The following DNAH17 variants were observed in gnomAD, a reference collection of about 807,000 sequenced individuals.
The protein encoded by DNAH17 is axonemal beta dynein heavy chain 17.
A neutral mutation model predicts 485.6 loss-of-function variants in DNAH17; 376 were observed. The ratio of observed to expected loss-of-function variants is 0.77; its 90% confidence interval spans 0.71 to 0.84. The LOEUF (loss-of-function observed/expected upper bound fraction) is 0.84, where lower values mean the gene tolerates loss of function less well. Among genes scored for constraint, DNAH17 ranks in the 40% least tolerant of loss-of-function variants. The probability of loss-of-function intolerance (pLI) is 0.00; values close to 1 mark genes in which losing one functional copy is unlikely to be tolerated. For synonymous variants in DNAH17, 3,031 were observed against 2,405.9 expected (o/e 1.26, Z -7.60); for missense variants, 6,370 against 5,839.3 (o/e 1.09, Z -2.96).
At chr17:78,576,924 G>T (rs536342476) in intron 1 of DNAH17, among the ~76,000 whole-genome samples, 1 of 152,180 alleles carries the variant, frequency 6.6e-6, no homozygotes, top group African/African-American at 2.4e-5. Flanking sequence ...TAACAATAGG[G>T]TTGTCCCAGG....
intron 25 of DNAH17, chr17:78,522,378 G>A (rs778167080): frequency 1.4e-4 from 40 of 285,246 alleles, no homozygotes; most frequent in Non-Finnish European, 1.6e-4. Flanking sequence ...TAGAGGAAGA[G>A]GAAGAGGGAC....
chr17:78,459,798 G>A lies in DNAH17; in HGVS notation c.9639C>T (p.Cys3213=), dbSNP rs1335522845. 6.2e-7 allele frequency: 1 copy of A among 1,613,926 alleles called. No individual in the cohort carries two copies. Among genetic ancestry groups the A allele is most frequent in the African/African-American group, 1.3e-5 (1 of 74,946 alleles). Residue 3213 remains cysteine, a synonymous_variant, in exon 60 of 81, where the codon TGC becomes TGT. Transcript: ENST00000389840. The part of the protein sequence containing the change: ...KFDKEHIPEA[C]LKAFKPYQGN... ...CCCCGACTCACTTGAAGGCCTTCAG[G>A]CAGGCCTCAGGGATGTGCTCCTTGT...
Position 78,484,694 on chromosome 17 carries a change from T to C in DNAH17, c.7649+174A>G, listed in dbSNP as rs571559956. 2.7e-5 allele frequency: 11 copies of C among 405,918 alleles called. 1 individual carries two copies. Among genetic ancestry groups the C allele is most frequent in the East Asian group, 2.0e-4 (4 of 19,910 alleles). The allele number at this position is 405,918 out of a possible 1,614,324, so 25.1% of individuals were successfully genotyped here. A position where few individuals can be genotyped will look rare whatever the true frequency, so the allele number is the denominator to read the frequency against. ...CTCAATGCCTTGTGGCCCCACAAAC[T>C]TGGGGGCCCAGCTACGACCCGTGTC... On this transcript the variant is annotated intron_variant, in intron 48 of 80. Transcript: ENST00000389840.
intron 62 of DNAH17, among the ~76,000 whole-genome samples, chr17:78,456,094 G>A (rs2146512903): frequency 6.6e-6 from 1 of 152,096 alleles, no homozygotes; most frequent in South Asian, 2.1e-4. Flanking sequence ...AGGTCAGGGG[G>A]TCGATACCAG....
intron 11 of DNAH17, among the ~76,000 whole-genome samples, chr17:78,563,481 A>G (rs1027358383): frequency 6.9e-6 from 1 of 145,774 alleles, no homozygotes; most frequent in East Asian, 2.0e-4. Flanking sequence ...AGAAAAATAG[A>G]AAAAAACCCC....
chr17:78,543,287 G>GTATTTTTTTTTTTT (rs1200669389), intron 17 of DNAH17, among the ~76,000 whole-genome samples: 9 of 139,228 alleles, frequency 6.5e-5, no homozygotes, highest in African/African-American at 2.5e-4. Flanking sequence ...GTTAATTTTT[G>GTATTTTTTTTTTTT]TTTTTTTTTT....
chr17:78,438,391 G>C (rs187983782), intron 73 of DNAH17, among the ~76,000 whole-genome samples: 2 of 114,940 alleles, frequency 1.7e-5, no homozygotes, highest in Non-Finnish European at 3.5e-5. Context: ...TCTCCTGGGC[G>C]CTCTGGGCTT....
Position 78,560,806 on chromosome 17 carries a change from G to A in DNAH17, c.1965C>T (p.Asn655=), listed in dbSNP as rs1208670296. The change falls in exon 13 of 81, where the codon AAC becomes AAT. Residue 655 remains asparagine (N), a synonymous_variant. Transcript: ENST00000389840. ...CCCGCAGAATCAGCGGCTGCCCCAG[G>A]TTAAAGTGGCAGTCCTGGTCCACGC... The part of the protein sequence containing the change: ...VAGVDQDCHF[N]LGQPLILRDA... 34 of 1,551,774 alleles carry A rather than the reference G, an allele frequency of 2.2e-5. No homozygotes were observed. Among genetic ancestry groups the A allele is most frequent in the Non-Finnish European group, 2.9e-5 (33 of 1,147,184 alleles).
At chr17:78,455,957 G>T in intron 62 of DNAH17, 121 bp from the exon 63 acceptor site, 3 of 797,450 alleles carry the variant, frequency 3.8e-6, no homozygotes, top group Non-Finnish European at 5.5e-6. Flanking sequence ...TGGCTCAGTG[G>T]CTCAATGATG....
rs1294759583 is a variant in DNAH17 at position 78,427,123 on chromosome 17, C to T, written c.12589-15G>A. On this transcript the variant is annotated splice_polypyrimidine_tract_variant and intron_variant, in intron 77 of 80. Transcript: ENST00000389840. The stretch of plus-strand genomic sequence containing the variant: ...ACGGCCTTCACCTGGAAGCCAGTCC[C>T]CGGACAGCCCCTGTCACTGCAAAGA... 3 of 1,560,344 alleles carry T rather than the reference C, an allele frequency of 1.9e-6. No individual in the cohort carries two copies. Among genetic ancestry groups the T allele is most frequent in the East Asian group, 2.4e-5 (1 of 41,584 alleles).
intron 26 of DNAH17, among the ~76,000 whole-genome samples, chr17:78,511,722 G>A (rs2090640008): frequency 6.6e-6 from 1 of 152,216 alleles, no homozygotes; most frequent in Non-Finnish European, 1.5e-5. Context: ...CCAACAGATG[G>A]AACCTTGCAT....
intron 77 of DNAH17, 129 bp downstream of exon 77, chr17:78,428,396 A>T: frequency 8.5e-7 from 1 of 1,179,962 alleles, no homozygotes; most frequent in Non-Finnish European, 1.2e-6. Flanking sequence ...CTGATACCCA[A>T]GCCCAAGGCT....
chr17:78,507,191 G>A, intron 29 of DNAH17, 87 bp downstream of exon 29: 1 of 1,486,458 alleles, frequency 6.7e-7, no homozygotes, highest in Non-Finnish European at 9.2e-7. Context: ...TGGCCAGCAG[G>A]CTGCACAAGA....
chr17:78,552,493 T>C, intron 15 of DNAH17, among the ~76,000 whole-genome samples: 1 of 150,068 alleles, frequency 6.7e-6, no homozygotes, highest in East Asian at 2.0e-4. Context: ...GGATTCCGTT[T>C]CTAAGTGACA....
intron 6 of DNAH17, 116 bp from the exon 7 acceptor site, chr17:78,570,488 AGAG>A: frequency 1.5e-6 from 2 of 1,314,232 alleles, no homozygotes; most frequent in Non-Finnish European, 2.0e-6. Flanking sequence ...GGGTTCCCAA[AGAG>A]GAGGGGAGAG....
chr17:78,485,231 A>AG, intron 47 of DNAH17, 198 bp from the exon 48 acceptor site: 1 of 706,504 alleles, frequency 1.4e-6, no homozygotes. Context: ...GAGCGATCAG[A>AG]GGCGAGGGTG....
chr17:78,529,572 T>C lies in DNAH17; in HGVS notation c.3407A>G (p.Gln1136Arg). 6.2e-7 allele frequency: 1 copy of C among 1,613,912 alleles called. No individual in the cohort carries two copies. The highest frequency in any genetic ancestry group is 8.5e-7 in the Non-Finnish European group (1 of 1,179,864). The change falls in exon 22 of 81, where the codon CAA (glutamine) becomes CGA (arginine). Residue 1136 changes from glutamine to arginine, a missense_variant. Physicochemically the swap from Gln to Arg is conservative, Grantham distance 43 (BLOSUM62 1). Coordinates refer to ENST00000389840, the MANE Select transcript of DNAH17 (RefSeq NM_173628.4). ...CTCAAACATGTTGTCGGTGGCTGCTTGCCTCTCCTTGACTTTCATCAGGTG... is the reference window on the plus strand; with the variant it reads ...CTCAAACATGTTGTCGGTGGCTGCTCGCCTCTCCTTGACTTTCATCAGGTG... ...MGHLMKVKER[Q>R]AATDNMFEPL...
At chr17:78,526,579 A>G (rs866317220) in intron 24 of DNAH17, 72 bp downstream of exon 24, 1 of 1,336,220 alleles carries the variant, frequency 7.5e-7, no homozygotes, top group African/African-American at 1.5e-5. Context: ...ACTTGAAAGG[A>G]TAACTACTTG....
chr17:78,465,123 G>T (rs762417479), intron 56 of DNAH17, among the ~76,000 whole-genome samples: 1 of 152,190 alleles, frequency 6.6e-6, no homozygotes, highest in African/African-American at 2.4e-5. Context: ...GTGGAGACGG[G>T]GTTTCGCTGT....
Sources: gnomAD v4.1 joint callset for allele counts (sites outside exome capture counted in the v4.1 genomes callset) on GRCh38, gnomAD v4.1.1 for gene constraint, MANE v1.5 for transcripts, NCBI Gene and HGNC (gene_info 2026-07-23, HGNC 2026-07-21) for gene names.